The following ELP1 variants were observed in gnomAD, a reference collection of about 807,000 sequenced individuals.
The protein encoded by ELP1 is elongator complex protein 1.
ELP1 carries 131 observed loss-of-function variants against 183.2 expected under a neutral mutation model. That is an observed-to-expected ratio of 0.72 (90% CI 0.62 to 0.83). The LOEUF (loss-of-function observed/expected upper bound fraction) is 0.83, where lower values mean the gene tolerates loss of function less well. ELP1 is among the 40% of genes least tolerant of loss of function. The pLI, the probability that ELP1 is intolerant of heterozygous loss-of-function variation, is 0.00. For synonymous variants in ELP1, 555 were observed against 569.0 expected, an observed-to-expected ratio of 0.98 and a Z score of 0.35; for missense variants, 1,550 against 1,594.9, an observed-to-expected ratio of 0.97 and a Z score of 0.48.
At chr9:108,933,214 C>T (rs1564111841) in intron 1 of ELP1, among the ~76,000 whole-genome samples, 1 of 152,226 alleles carries the variant, frequency 6.6e-6, no homozygotes, top group African/African-American at 2.4e-5. Context: ...TGGGGACAGA[C>T]CATTTCTACT....
At chr9:108,930,873 G>T in intron 2 of ELP1, 124 bp downstream of exon 2, 2 of 904,246 alleles carry the variant, frequency 2.2e-6, no homozygotes, top group South Asian at 1.4e-5. Context: ...TGAAGCAAAA[G>T]ATGTTTATTT....
intron 35 of ELP1, among the ~76,000 whole-genome samples, chr9:108,876,012 C>A (rs1587869020): frequency 6.6e-6 from 1 of 152,282 alleles, no homozygotes; most frequent in African/African-American, 2.4e-5. Context: ...GTGGCTGATG[C>A]CTATAGTCCC....
At chr9:108,881,651 C>G in intron 31 of ELP1, 54 bp downstream of exon 31, 1 of 1,089,100 alleles carries the variant, frequency 9.2e-7, no homozygotes, top group South Asian at 1.2e-5. Context: ...TCTCTCATCT[C>G]TCTCTCCTCA....
rs1564102412 is a variant in ELP1 at position 108,919,252 on chromosome 9, C to T, written c.649+1G>A. ...TGTTTAACTGCAATATATTTCCATA[C>T]CTGTTTCTGGGCAAACAACACTCAC... is the stretch of plus-strand genomic sequence containing the variant. On this transcript the variant is annotated splice_donor_variant, in intron 7 of 36. Coordinates refer to ENST00000374647, the MANE Select transcript of ELP1 (RefSeq NM_003640.5). LOFTEE classifies it high-confidence loss of function. 1 of 1,605,126 alleles carries T rather than the reference C, an allele frequency of 6.2e-7. No homozygotes were observed. The highest frequency in any genetic ancestry group is 1.1e-5 in the South Asian group (1 of 90,838).
At chr9:108,880,274 T>C in intron 31 of ELP1, 109 bp from the exon 32 acceptor site, 1 of 743,212 alleles carries the variant, frequency 1.3e-6, no homozygotes, top group Non-Finnish European at 2.4e-6. Context: ...AAGAAAGAGG[T>C]TACTAGGTTT....
At chr9:108,927,650 G>A (rs990816963) in intron 3 of ELP1, among the ~76,000 whole-genome samples, 197 bp from the exon 4 acceptor site, 3 of 152,280 alleles carry the variant, frequency 2.0e-5, no homozygotes, top group Middle Eastern at 3.4e-3. Flanking sequence ...TCCATCAATG[G>A]ATGACTGGAT....
chr9:108,875,381 C>T (rs957042472), intron 35 of ELP1, among the ~76,000 whole-genome samples: 1 of 152,212 alleles, frequency 6.6e-6, no homozygotes, highest in African/African-American at 2.4e-5. Context: ...CATGTGCATA[C>T]TATGGAGCAG....
chr9:108,909,209 T>C (rs1829122131), intron 12 of ELP1, among the ~76,000 whole-genome samples: 1 of 152,052 alleles, frequency 6.6e-6, no homozygotes, highest in Non-Finnish European at 1.5e-5. Context: ...CTACCCCTTA[T>C]TTTGCTTAAT....
chr9:108,874,236 TC>T (rs1306332598), intron 36 of ELP1, among the ~76,000 whole-genome samples: 1 of 152,222 alleles, frequency 6.6e-6, no homozygotes, highest in Non-Finnish European at 1.5e-5. Flanking sequence ...GCTTCATTGA[TC>T]CAACTATAAG....
At chr9:108,930,453 C>T (rs568094621) in intron 2 of ELP1, among the ~76,000 whole-genome samples, 4 of 152,136 alleles carry the variant, frequency 2.6e-5, no homozygotes, top group East Asian at 3.9e-4. Flanking sequence ...CTTGGCCGGG[C>T]GCTGAGGCAG....
chr9:108,920,280 ATTT>A (rs34765805), intron 6 of ELP1, among the ~76,000 whole-genome samples: 1 of 132,342 alleles, frequency 7.6e-6, no homozygotes. Context: ...CTCTCACCCA[ATTT>A]TTTTTTTTTT....
Position 108,932,984 on chromosome 9 carries a change from T to C in ELP1, c.-56+880A>G, listed in dbSNP as rs1274515297. ...CCTTGCTCCTTCGACTATCCACCTC[T>C]TGGCTAGACATCACATGCATGATTA... On this transcript the variant is annotated intron_variant, in intron 1 of 36. Coordinates refer to ENST00000374647, the MANE Select transcript of ELP1 (RefSeq NM_003640.5). Among the ~76,000 whole-genome samples, 54 of 152,200 alleles carry C rather than the reference T, an allele frequency of 3.5e-4. 1 individual carries two copies.
In ELP1 at chr9:108,908,695, T is replaced by C. The variant is rs140169582; in HGVS notation, c.1361-291A>G. 2.6e-5 allele frequency among the ~76,000 whole-genome samples: 4 copies of C among 152,344 alleles called. No individual in the cohort carries two copies. The East Asian group carries it at 7.7e-4, about 29-fold the overall frequency. ...ACCACCTCTCAATATCCTCAAATTC[T>C]CCAAAGTCCTAAGCACCTGCTTAAA... is the stretch of plus-strand genomic sequence containing the variant. On this transcript the variant is annotated intron_variant, in intron 12 of 36. Coordinates refer to ENST00000374647, the MANE Select transcript of ELP1 (RefSeq NM_003640.5).
rs2132043832 is a variant in ELP1 at position 108,926,551 on chromosome 9, C to T, written c.438G>A (p.Gln146=). The change falls in exon 5 of 37, where the codon CAG becomes CAA. Residue 146 remains glutamine, a synonymous_variant. Transcript: ENST00000374647. ...CACCAAAATCATCCTGATGGATCTGCTGCTCCAGGATTGGCTCAAAATCTT... is the reference window on the plus strand; with the variant it reads ...CACCAAAATCATCCTGATGGATCTGTTGCTCCAGGATTGGCTCAAAATCTT... ...MTKDFEPILE[Q]QIHQDDFGES... is the part of the protein sequence containing the mutation. 1.2e-6 allele frequency: 2 copies of T among 1,613,112 alleles called. No homozygotes were observed. The highest frequency in any genetic ancestry group is 1.7e-6 in the Non-Finnish European group (2 of 1,179,756).
intron 35 of ELP1, chr9:108,875,523 G>C (rs576178386): frequency 7.6e-6 from 2 of 264,384 alleles, no homozygotes; most frequent in East Asian, 2.2e-4. Flanking sequence ...GCAATGCCAT[G>C]AGAAGTCACT....
intron 9 of ELP1, among the ~76,000 whole-genome samples, chr9:108,917,328 G>A (rs1829475041): frequency 6.6e-6 from 1 of 152,158 alleles, no homozygotes; most frequent in Non-Finnish European, 1.5e-5. Context: ...TTAGCTGGCT[G>A]TGGTGGCGCA....
At chr9:108,931,235 A>G in intron 1 of ELP1, 34 bp from the exon 2 acceptor site, 9 of 1,225,198 alleles carry the variant, frequency 7.3e-6, no homozygotes, top group Non-Finnish European at 1.1e-5. Flanking sequence ...ATAGTGATAA[A>G]TGACCATATT....
intron 33 of ELP1, among the ~76,000 whole-genome samples, chr9:108,878,956 T>C (rs950506778): frequency 6.6e-6 from 1 of 152,236 alleles, no homozygotes; most frequent in African/African-American, 2.4e-5. Flanking sequence ...TAAACTCTTA[T>C]AACTCATATC....
intron 14 of ELP1, among the ~76,000 whole-genome samples, chr9:108,904,245 ATT>A (rs57450962): frequency 6.6e-4 from 87 of 132,410 alleles, no homozygotes; most frequent in African/African-American, 1.4e-3. Flanking sequence ...AAATTTCACT[ATT>A]TTTTTTTTTT....
Sources: gnomAD v4.1 joint callset for allele counts (sites outside exome capture counted in the v4.1 genomes callset) on GRCh38, gnomAD v4.1.1 for gene constraint, MANE v1.5 for transcripts, NCBI Gene and HGNC (gene_info 2026-07-23, HGNC 2026-07-21) for gene names.